ENTREP2: variants seen among roughly 807,000 people sequenced by gnomAD.
ENTREP2 encodes the protein protein ENTREP2.
chr15:29,371,387 AAACC>A, the ENTREP2 span, among the ~76,000 whole-genome samples: 1 of 102,834 alleles, frequency 9.7e-6, no homozygotes, highest in Non-Finnish European at 1.9e-5. Context: ...CACACACACG[AAACC>A]AACTAATCCA....
the ENTREP2 span, among the ~76,000 whole-genome samples, chr15:29,657,131 T>G: frequency 1.3e-5 from 2 of 151,982 alleles, no homozygotes; most frequent in African/African-American, 4.8e-5. Context: ...CACTGCAAGC[T>G]CCGCCTCCCC....
the ENTREP2 span, among the ~76,000 whole-genome samples, chr15:29,530,550 A>T: frequency 1.3e-5 from 2 of 152,118 alleles, no homozygotes; most frequent in Non-Finnish European, 2.9e-5. Context: ...CTCTACCAAG[A>T]GCGGTTCACC....
At chr15:29,551,573 G>T in the ENTREP2 span, among the ~76,000 whole-genome samples, 1,685 of 152,126 alleles carry the variant, frequency 0.011, 34 homozygotes, top group African/African-American at 0.038. Context: ...CCAGTTCTCA[G>T]CTATCTATCT....
chr15:29,132,067 A>C, the ENTREP2 span, among the ~76,000 whole-genome samples: 1 of 148,456 alleles, frequency 6.7e-6, no homozygotes, highest in African/African-American at 2.5e-5. Context: ...GCCCCGCCCC[A>C]GAGTCAGCTC....
the ENTREP2 span, among the ~76,000 whole-genome samples, chr15:29,222,903 A>G: frequency 6.6e-6 from 1 of 152,210 alleles, no homozygotes; most frequent in Non-Finnish European, 1.5e-5. Flanking sequence ...CTGGTCTCTA[A>G]TCCAGCAGAA....
At chr15:29,310,126 G>A in the ENTREP2 span, among the ~76,000 whole-genome samples, 1 of 152,066 alleles carries the variant, frequency 6.6e-6, no homozygotes, top group African/African-American at 2.4e-5. Flanking sequence ...GAACTAGAAA[G>A]GGGGGGCAGG....
the ENTREP2 span, among the ~76,000 whole-genome samples, chr15:29,570,940 G>A: frequency 5.5e-5 from 8 of 144,690 alleles, no homozygotes; most frequent in East Asian, 2.1e-4. Context: ...TGCCGCCGCC[G>A]CCGCGCCGCC....
chr15:29,152,847 T>C, the ENTREP2 span, among the ~76,000 whole-genome samples: 1 of 152,234 alleles, frequency 6.6e-6, no homozygotes, highest in Non-Finnish European at 1.5e-5. Context: ...TGTTTAGTTT[T>C]ATTTTAAAAA....
the ENTREP2 span, among the ~76,000 whole-genome samples, chr15:29,411,684 A>G: frequency 6.6e-6 from 1 of 152,250 alleles, no homozygotes; most frequent in African/African-American, 2.4e-5. Flanking sequence ...CCTTTCAAAC[A>G]TATTTTTCAG....
the ENTREP2 span, among the ~76,000 whole-genome samples, chr15:29,232,846 T>G: frequency 2.1e-4 from 32 of 152,232 alleles, no homozygotes; most frequent in Admixed American, 8.5e-4. Flanking sequence ...AATATCATGT[T>G]AAGTTATTCT....
At chr15:29,348,886 T>C in the ENTREP2 span, among the ~76,000 whole-genome samples, 1 of 152,240 alleles carries the variant, frequency 6.6e-6, no homozygotes, top group African/African-American at 2.4e-5. Flanking sequence ...TTCCCTTTCA[T>C]AGAATTGTGG....
the ENTREP2 span, among the ~76,000 whole-genome samples, chr15:29,414,344 C>G: frequency 6.6e-6 from 1 of 152,202 alleles, no homozygotes. Flanking sequence ...GATTAAGAAA[C>G]TCACTCAAAA....
chr15:29,602,518 TTTA>T, the ENTREP2 span, among the ~76,000 whole-genome samples: 1 of 151,944 alleles, frequency 6.6e-6, no homozygotes, highest in African/African-American at 2.4e-5. Context: ...ACTGTTTTAG[TTTA>T]TTATTTTATT....
At chr15:29,291,284 C>G in the ENTREP2 span, among the ~76,000 whole-genome samples, 1 of 152,296 alleles carries the variant, frequency 6.6e-6, no homozygotes, top group East Asian at 1.9e-4. Context: ...CTATCTCATC[C>G]TGACGATCTT....
the ENTREP2 span, among the ~76,000 whole-genome samples, chr15:29,573,848 T>G: frequency 6.6e-6 from 1 of 152,192 alleles, no homozygotes; most frequent in African/African-American, 2.4e-5. Context: ...CCTCCAAAAA[T>G]TTTTATTTCA....
At chr15:29,578,965 T>A in the ENTREP2 span, among the ~76,000 whole-genome samples, 1 of 152,188 alleles carries the variant, frequency 6.6e-6, no homozygotes, top group Non-Finnish European at 1.5e-5. Context: ...AATCAGGTTA[T>A]TAGAAACCTA....
chr15:29,212,659 T>A, the ENTREP2 span, among the ~76,000 whole-genome samples: 1 of 152,242 alleles, frequency 6.6e-6, no homozygotes, highest in East Asian at 1.9e-4. Context: ...GCCTTTGCTG[T>A]ATCCCAGAGG....
the ENTREP2 span, among the ~76,000 whole-genome samples, chr15:29,534,107 A>G: frequency 1.5e-4 from 1 of 6,622 alleles, no homozygotes; most frequent in Admixed American, 1.3e-3. Flanking sequence ...CCCCTTGGCC[A>G]AAAAAAAAAA....
At chr15:29,466,883 A>AAACT in the ENTREP2 span, among the ~76,000 whole-genome samples, 1 of 126,780 alleles carries the variant, frequency 7.9e-6, no homozygotes, top group Admixed American at 7.8e-5. Context: ...CCCCCAGGGA[A>AAACT]GGGCCCAGGG....
Sources: allele counts gnomAD v4.1 joint callset (sites outside exome capture counted in the v4.1 genomes callset), GRCh38; gene constraint gnomAD v4.1.1; transcripts MANE v1.5; gene names NCBI Gene and HGNC (gene_info 2026-07-23, HGNC 2026-07-21).